The following FBXO7 variants were observed in gnomAD, a reference collection of about 807,000 sequenced individuals.
The protein encoded by FBXO7 is F-box only protein 7.
A neutral mutation model predicts 50.2 loss-of-function variants in FBXO7; 31 were observed. The observed-to-expected ratio is 0.62, with a 90% CI of 0.46 to 0.83. FBXO7 has a LOEUF of 0.83. Among genes scored for constraint, FBXO7 ranks in the 40% least tolerant of loss-of-function variants. The pLI is 0.00. For missense variants in FBXO7, 667 were observed against 646.6 expected (o/e 1.03, Z -0.34); for synonymous variants, 256 against 253.1 (o/e 1.01, Z -0.11).
chr22:32,483,864 T>A (rs1436893353), intron 2 of FBXO7, 33 bp from the exon 3 acceptor site: 1 of 1,566,288 alleles, frequency 6.4e-7, no homozygotes, highest in South Asian at 1.1e-5. Flanking sequence ...AATAAGTCTT[T>A]AATTAATTCA....
chr22:32,495,381 T>TTTTTTTTTC, intron 7 of FBXO7, 112 bp from the exon 8 acceptor site: 1 of 609,132 alleles, frequency 1.6e-6, no homozygotes. Flanking sequence ...TTTTTTTTTT[T>TTTTTTTTTC]TTATGCTTAA....
At chr22:32,484,968 A>C in intron 3 of FBXO7, 100 bp from the exon 4 acceptor site, 1 of 1,353,856 alleles carries the variant, frequency 7.4e-7, no homozygotes, top group South Asian at 1.2e-5. Context: ...GACTGTGTGG[A>C]GTGATTATTT....
chr22:32,477,820 A>G (rs2057438661), intron 1 of FBXO7, among the ~76,000 whole-genome samples: 1 of 152,228 alleles, frequency 6.6e-6, no homozygotes, highest in African/African-American at 2.4e-5. Context: ...TTATTTCACA[A>G]GTACTTTATT....
intron 8 of FBXO7, 45 bp from the exon 9 acceptor site, chr22:32,498,099 G>T (rs1439896568): frequency 6.2e-7 from 1 of 1,600,426 alleles, no homozygotes; most frequent in Admixed American, 1.7e-5. Context: ...GAAACATCCA[G>T]ATCACTTACC....
rs1362793288 is a variant in FBXO7 at position 32,479,117 on chromosome 22, A to G, written c.259A>G (p.Ile87Val). The G allele has an allele frequency of 1.2e-6, 2 of 1,614,074 alleles. No individual in the cohort carries two copies. Among genetic ancestry groups the G allele is most frequent in the African/African-American group, 1.3e-5 (1 of 74,920 alleles). Residue 87 changes from isoleucine to valine, a missense_variant, in exon 2 of 9, where the codon ATA becomes GTA. Physicochemically the swap from Ile to Val is conservative, Grantham distance 29 (BLOSUM62 3). Coordinates refer to ENST00000266087, the MANE Select transcript of FBXO7 (RefSeq NM_012179.4). ...ILQDDIPAPN[I>V]PSSTDSEHSS... The stretch of plus-strand genomic sequence containing the variant: ...TCAAGATGACATTCCAGCGCCTAAT[A>G]TACCTTCATCCACAGATTCAGAGCA...
intron 7 of FBXO7, among the ~76,000 whole-genome samples, chr22:32,493,839 TG>T (rs34074491): frequency 6.6e-6 from 1 of 151,978 alleles, no homozygotes; most frequent in Non-Finnish European, 1.5e-5. Context: ...TGTTTGACCC[TG>T]GGGTGGGTCA....
At chr22:32,495,354 T>C (rs2057566385) in intron 7 of FBXO7, 139 bp from the exon 8 acceptor site, 1 of 609,828 alleles carries the variant, frequency 1.6e-6, no homozygotes, top group Non-Finnish European at 2.9e-6. Flanking sequence ...TAGTGTGTGT[T>C]ATATAAATGG....
At position 32,491,175 on chromosome 22, in the gene FBXO7, C is replaced by T. The variant is rs369105683; in HGVS notation, c.961C>T (p.Arg321Ter). 3.3e-5 allele frequency: 53 copies of T among 1,595,452 alleles called. No individual in the cohort carries two copies. Among genetic ancestry groups the T allele is most frequent in the South Asian group, 4.4e-5 (4 of 90,626 alleles). ...GGTGTATCCTCTTCTGGCTTTTACCCGACAAGGTAAGAGATGAAATACTGT... is the reference window on the plus strand; with the variant it reads ...GGTGTATCCTCTTCTGGCTTTTACCTGACAAGGTAAGAGATGAAATACTGT... The part of the protein sequence containing the change: ...QLVYPLLAFT[R>*]QALNLPDVFG... Residue 321 changes from arginine (R) to a stop codon, truncating the protein, a stop_gained, in exon 6 of 9, where the codon CGA becomes TGA. Coordinates refer to ENST00000266087, the MANE Select transcript of FBXO7 (RefSeq NM_012179.4). LOFTEE classifies it high-confidence loss of function.
rs778265071 is a variant in FBXO7, at chr22:32,484,098, A to G, written c.619A>G (p.Met207Val). The G allele has an allele frequency of 1.9e-6, 3 of 1,614,150 alleles. No individual in the cohort carries two copies. The highest frequency in any genetic ancestry group is 2.2e-5 in the South Asian group (2 of 91,078). The change falls in exon 3 of 9, where the codon ATG (methionine) becomes GTG (valine). Residue 207 changes from methionine to valine, a missense_variant. By Grantham distance (21) the Met-to-Val change is conservative. Coordinates refer to ENST00000266087, the MANE Select transcript of FBXO7 (RefSeq NM_012179.4). The stretch of plus-strand genomic sequence containing the variant: ...CTTGATAGTGTTGATACATCTTCTC[A>G]TGTTGGAGTCAGGTTACATACCTCA... The part of the protein sequence containing the change: ...DALIVLIHLL[M>V]LESGYIPQGT...
intron 1 of FBXO7, chr22:32,475,632 T>C: frequency 1.9e-6 from 1 of 537,366 alleles, no homozygotes; most frequent in Non-Finnish European, 3.2e-6. Context: ...ACCGGTAGCT[T>C]GTATCGCTGC....
At chr22:32,475,274 G>C in intron 1 of FBXO7, 150 bp downstream of exon 1, 1 of 1,582,984 alleles carries the variant, frequency 6.3e-7, no homozygotes, top group Non-Finnish European at 8.6e-7. Flanking sequence ...CTTCACGGGA[G>C]GCCCGGGCTC....
chr22:32,482,724 A>T (rs1017311880), intron 2 of FBXO7, among the ~76,000 whole-genome samples: 5 of 152,244 alleles, frequency 3.3e-5, no homozygotes, highest in Non-Finnish European at 5.9e-5. Flanking sequence ...AAATAAAGAC[A>T]TTATGAAGTT....
chr22:32,493,353 TTAGTTG>T, intron 7 of FBXO7, 72 bp downstream of exon 7: 1 of 1,315,904 alleles, frequency 7.6e-7, no homozygotes, highest in Non-Finnish European at 1.1e-6. Flanking sequence ...CCAAAAGTTT[TTAGTTG>T]TAGGATTTTT....
At chr22:32,493,027 C>A in intron 6 of FBXO7, 78 bp from the exon 7 acceptor site, 1 of 1,397,398 alleles carries the variant, frequency 7.2e-7, no homozygotes, top group South Asian at 1.2e-5. Context: ...GAACAAGTGG[C>A]AACTTTGTTG....
rs767162529 is a variant in FBXO7, at chr22:32,491,099, C to T, written c.885C>T (p.Ala295=). Residue 295 remains alanine (A), a synonymous_variant, in exon 6 of 9, where the codon GCC becomes GCT. Coordinates refer to ENST00000266087, the MANE Select transcript of FBXO7 (RefSeq NM_012179.4). ...AAAATATTCTAGGGGAAAATGTAGC[C>T]AACATATACAAAGATCTTCAGAAAC... is the stretch of plus-strand genomic sequence containing the variant. ...ICKEKLGENV[A]NIYKDLQKLS... 9 of 1,612,122 alleles carry T rather than the reference C, an allele frequency of 5.6e-6. No individual in the cohort carries two copies. The highest frequency in any genetic ancestry group is 1.3e-5 in the African/African-American group (1 of 74,820).
At chr22:32,475,261 G>C in intron 1 of FBXO7, 137 bp downstream of exon 1, 3 of 1,559,876 alleles carry the variant, frequency 1.9e-6, no homozygotes, top group Non-Finnish European at 1.7e-6. Flanking sequence ...ACGCCGGGGG[G>C]GCCTTCACGG....
intron 8 of FBXO7, among the ~76,000 whole-genome samples, chr22:32,496,345 G>A (rs1181201538): frequency 6.6e-6 from 1 of 152,132 alleles, no homozygotes; most frequent in Admixed American, 6.5e-5. Flanking sequence ...AGCCGGATGT[G>A]GTGGTGTGGA....
At chr22:32,480,216 G>A (rs997418450) in intron 2 of FBXO7, among the ~76,000 whole-genome samples, 2 of 151,954 alleles carry the variant, frequency 1.3e-5, no homozygotes, top group African/African-American at 4.8e-5. Context: ...TCATAAACTT[G>A]TGCTCATAAT....
intron 2 of FBXO7, among the ~76,000 whole-genome samples, chr22:32,481,233 T>C (rs1015165880): frequency 1.3e-5 from 2 of 152,182 alleles, no homozygotes; most frequent in Admixed American, 6.5e-5. Context: ...TTTAAAGTTA[T>C]TGTTTTATCT....
Sources: gnomAD v4.1 joint callset for allele counts (sites outside exome capture counted in the v4.1 genomes callset) on GRCh38, gnomAD v4.1.1 for gene constraint, MANE v1.5 for transcripts, NCBI Gene and HGNC (gene_info 2026-07-23, HGNC 2026-07-21) for gene names.